Variants in ASPA observed in about 807,000 individuals in gnomAD.
The protein encoded by ASPA is ACY-2.
A neutral mutation model predicts 29.6 loss-of-function variants in ASPA; 25 were observed. The observed-to-expected ratio is 0.85, with a 90% CI of 0.62 to 1.18. The LOEUF (loss-of-function observed/expected upper bound fraction) is 1.18, where lower values mean the gene tolerates loss of function less well. ASPA is among the 50% of genes most tolerant of loss of function. ASPA has a pLI of 0.00. For missense variants in ASPA, 333 were observed against 385.7 expected (o/e 0.86, Z 1.14); for synonymous variants, 131 against 130.3 (o/e 1.01, Z -0.04).
chr17:3,489,376 A>G (rs372987490), intron 4 of ASPA, 34 bp downstream of exon 4: 107 of 1,494,540 alleles, frequency 7.2e-5, no homozygotes, highest in Middle Eastern at 6.9e-4. Context: ...TATCAAACTT[A>G]ACCACCAAAC....
chr17:3,491,123 T>C (rs2073817252), intron 4 of ASPA, among the ~76,000 whole-genome samples: 3 of 152,192 alleles, frequency 2.0e-5, no homozygotes, highest in African/African-American at 7.2e-5. Context: ...GATAAAGACA[T>C]ATGCGACATG....
At chr17:3,491,795 A>G (rs983584480) in intron 4 of ASPA, among the ~76,000 whole-genome samples, 8 of 152,098 alleles carry the variant, frequency 5.3e-5, no homozygotes, top group African/African-American at 1.9e-4. Context: ...AAGAAATTCA[A>G]CACATTTTCT....
At chr17:3,489,439 G>A in intron 4 of ASPA, 97 bp downstream of exon 4, 2 of 1,073,628 alleles carry the variant, frequency 1.9e-6, no homozygotes, top group Non-Finnish European at 2.8e-6. Context: ...AAGATATGAA[G>A]TGCTTTTTAA....
At chr17:3,494,582 T>C (rs2073879624) in intron 5 of ASPA, 123 bp downstream of exon 5, 1 of 818,820 alleles carries the variant, frequency 1.2e-6, no homozygotes, top group African/African-American at 1.7e-5. Context: ...AGACACTGAG[T>C]GTAGATAGGG....
upstream of ASPA, among the ~76,000 whole-genome samples, chr17:3,474,679 A>C (rs898889048): frequency 6.6e-5 from 10 of 152,362 alleles, no homozygotes; most frequent in Middle Eastern, 3.4e-3. Flanking sequence ...AAGGAAGAAC[A>C]TTCAGTGGGT....
chr17:3,478,897 C>T (rs999158108), intron 1 of ASPA, among the ~76,000 whole-genome samples: 2 of 152,138 alleles, frequency 1.3e-5, no homozygotes, highest in African/African-American at 2.4e-5. Flanking sequence ...TCACTAAGTC[C>T]TCCCAATTAT....
intron 1 of ASPA, among the ~76,000 whole-genome samples, chr17:3,477,207 G>C (rs2073540082): frequency 6.6e-6 from 1 of 152,076 alleles, no homozygotes; most frequent in South Asian, 2.1e-4. Context: ...CCTGTGATCC[G>C]AAGTAGCAGA....
Position 3,488,539 on chromosome 17 carries a change from C to G in ASPA, c.527-696C>G, listed in dbSNP as rs188130858. On this transcript the variant is annotated intron_variant, in intron 3 of 5. Transcript: ENST00000263080. This position sits in a 1 kb window ranked among gnomAD's most constrained non-coding sequence, Gnocchi z 6.1. ...AGGAATGGTGGCCCGTGCCTGTAAT[C>G]CCAGCTACTCGGGAGGCTGAGGCAG... 6.6e-6 allele frequency among the ~76,000 whole-genome samples: 1 copy of G among 152,158 alleles called. No homozygotes were observed. The highest frequency in any genetic ancestry group is 1.9e-4 in the East Asian group (1 of 5,192).
chr17:3,478,619 C>A (rs987149290), intron 1 of ASPA, among the ~76,000 whole-genome samples: 1 of 152,114 alleles, frequency 6.6e-6, no homozygotes, highest in South Asian at 2.1e-4. Context: ...TATGAGCACC[C>A]AGTAGTATGC....
intron 2 of ASPA, 126 bp from the exon 3 acceptor site, chr17:3,483,373 A>G (rs552104465): frequency 1.3e-5 from 10 of 794,864 alleles, no homozygotes; most frequent in East Asian, 7.7e-5. Flanking sequence ...AAAGTATTTC[A>G]TAAAGCTGTC....
At chr17:3,483,735 T>C (rs934385672) in intron 3 of ASPA, 143 bp downstream of exon 3, 173 of 764,878 alleles carry the variant, frequency 2.3e-4, no homozygotes, top group Non-Finnish European at 2.9e-4. Flanking sequence ...TGATCTCAGC[T>C]CACTGCAACC....
rs927152622 is a variant in ASPA, at chr17:3,488,810, A to C, written c.527-425A>C. On this transcript the variant is annotated intron_variant, in intron 3 of 5. Coordinates refer to ENST00000263080, the MANE Select transcript of ASPA (RefSeq NM_000049.4). The surrounding 1 kb of genome is among the most constrained non-coding windows in gnomAD (Gnocchi z 6.1). The stretch of plus-strand genomic sequence containing the variant: ...CTGGATTTCTGTGAAATCTATAAAA[A>C]TAGATGTCCTTCCTCCCGTCACAGC... 1.3e-5 allele frequency among the ~76,000 whole-genome samples: 2 copies of C among 152,220 alleles called. No individual in the cohort carries two copies. Among genetic ancestry groups the C allele is most frequent in the African/African-American group, 4.8e-5 (2 of 41,464 alleles).
At position 3,499,331 on chromosome 17, in the gene ASPA, C is replaced by T. The variant is rs1194553823; in HGVS notation, c.*243C>T. On this transcript the variant is annotated 3_prime_UTR_variant, in exon 6 of 6. Transcript: ENST00000263080. Reference sequence around the variant, plus strand: ...TCTATATAGTTTATTATACATGATACTTGGGTAGCTCAACATTCTTAATAA... The same window carrying T: ...TCTATATAGTTTATTATACATGATATTTGGGTAGCTCAACATTCTTAATAA... 8.8e-6 allele frequency: 3 copies of T among 341,778 alleles called. No individual in the cohort carries two copies. Among genetic ancestry groups the T allele is most frequent in the African/African-American group, 6.3e-5 (3 of 47,390 alleles). The allele number at this position is 341,778 out of a possible 1,614,324, so 21.2% of individuals were successfully genotyped here.
rs749169939 is a variant in ASPA, at chr17:3,502,436, G to C, written c.*3348G>C. The C allele has an allele frequency of 2.0e-5, 3 of 152,178 alleles. No individual in the cohort carries two copies. Among genetic ancestry groups the C allele is most frequent in the African/African-American group, 7.2e-5 (3 of 41,436 alleles). 9.4% of individuals were successfully genotyped at this position (152,178 alleles called of 1,614,324 possible). A position where few individuals can be genotyped will look rare whatever the true frequency, so the allele number is the denominator to read the frequency against. ...AATGTATAAGTGCTAGTAGAAATGAGTTGTGCAGAATTGCTATTTTTTTCA... is the reference window on the plus strand; with the variant it reads ...AATGTATAAGTGCTAGTAGAAATGACTTGTGCAGAATTGCTATTTTTTTCA... On this transcript the variant is annotated 3_prime_UTR_variant, in exon 6 of 6. Coordinates refer to ENST00000263080, the MANE Select transcript of ASPA (RefSeq NM_000049.4).
chr17:3,498,140 A>G (rs2073938248), intron 5 of ASPA, among the ~76,000 whole-genome samples: 1 of 152,146 alleles, frequency 6.6e-6, no homozygotes, highest in African/African-American at 2.4e-5. Flanking sequence ...CAGGTACAAC[A>G]TGGCTCATTT....
chr17:3,479,939 G>A (rs921555376), intron 1 of ASPA, among the ~76,000 whole-genome samples: 7 of 152,168 alleles, frequency 4.6e-5, no homozygotes, highest in Admixed American at 4.6e-4. Flanking sequence ...GGGAAGTGGG[G>A]AGAGGGTAGA....
chr17:3,479,122 A>G (rs1036249605), intron 1 of ASPA, among the ~76,000 whole-genome samples: 4 of 152,172 alleles, frequency 2.6e-5, no homozygotes, highest in African/African-American at 9.7e-5. Context: ...ATTCTTTAAA[A>G]ATGTATCCAG....
At chr17:3,476,445 GTA>G (rs1567608737) in intron 1 of ASPA, 50 bp downstream of exon 1, 3 of 1,552,618 alleles carry the variant, frequency 1.9e-6, no homozygotes, top group Non-Finnish European at 2.7e-6. Context: ...GTGAAAAGTG[GTA>G]GGTGTGTGAA....
intron 3 of ASPA, among the ~76,000 whole-genome samples, chr17:3,484,128 C>T (rs914292888): frequency 2.1e-4 from 32 of 152,160 alleles, no homozygotes; most frequent in Admixed American, 2.0e-4. Flanking sequence ...AATGCTTGGC[C>T]CTTCTATTTA....
Sources: allele counts gnomAD v4.1 joint callset (sites outside exome capture counted in the v4.1 genomes callset), GRCh38; gene constraint gnomAD v4.1.1; non-coding constraint Gnocchi (gnomAD v3.1); transcripts MANE v1.5; gene names NCBI Gene and HGNC (gene_info 2026-07-23, HGNC 2026-07-21).